Variants in LYPLAL1 observed in about 807,000 individuals in gnomAD.
The protein encoded by LYPLAL1 is lysophospholipase like 1, also known as lysophospholipase-like protein 1.
LYPLAL1 carries 23 observed loss-of-function variants against 19.7 expected under a neutral mutation model. That is an observed-to-expected ratio of 1.17 (90% CI 0.84 to 1.65). LYPLAL1 has a LOEUF of 1.65. LYPLAL1 is among the 40% of genes most tolerant of loss of function. The pLI, the probability that LYPLAL1 is intolerant of heterozygous loss-of-function variation, is 0.00. For missense variants in LYPLAL1, 355 were observed against 279.4 expected, an observed-to-expected ratio of 1.27 and a Z score of -1.93; for synonymous variants, 119 against 96.3, an observed-to-expected ratio of 1.24 and a Z score of -1.38.
the LYPLAL1 span, among the ~76,000 whole-genome samples, chr1:219,440,139 G>C: frequency 6.7e-5 from 10 of 150,294 alleles, no homozygotes; most frequent in Non-Finnish European, 8.9e-5. Flanking sequence ...AGTGCTATTG[G>C]AATTGTTATT....
chr1:219,238,431 G>A, the LYPLAL1 span, among the ~76,000 whole-genome samples: 8 of 149,698 alleles, frequency 5.3e-5, no homozygotes, highest in East Asian at 5.9e-4. Flanking sequence ...GATTACAGGC[G>A]TGAGCCACTG....
At chr1:219,182,509 G>A (rs1656375813) in intron 2 of LYPLAL1, among the ~76,000 whole-genome samples, 2 of 151,848 alleles carry the variant, frequency 1.3e-5, no homozygotes, top group Admixed American at 6.6e-5. Flanking sequence ...CTACCTTTCC[G>A]GTGACGTCAA....
At chr1:219,433,748 T>A in the LYPLAL1 span, among the ~76,000 whole-genome samples, 1 of 152,272 alleles carries the variant, frequency 6.6e-6, no homozygotes, top group Admixed American at 6.5e-5. Context: ...TCAGCCTAGA[T>A]CCTGGGCTTC....
At chr1:219,419,739 A>G in the LYPLAL1 span, among the ~76,000 whole-genome samples, 375 of 152,210 alleles carry the variant, frequency 2.5e-3, 3 homozygotes, top group African/African-American at 7.8e-3. Flanking sequence ...CTGTGGGGGT[A>G]GGGGGTCCAG....
At chr1:219,209,246 G>T (rs1658809552) in intron 3 of LYPLAL1, among the ~76,000 whole-genome samples, 1 of 152,026 alleles carries the variant, frequency 6.6e-6, no homozygotes, top group African/African-American at 2.4e-5. Context: ...TACATAGTGT[G>T]CCTTTTTTAA....
the LYPLAL1 span, among the ~76,000 whole-genome samples, chr1:219,293,265 A>T: frequency 2.0e-5 from 3 of 152,166 alleles, no homozygotes; most frequent in Non-Finnish European, 2.9e-5. Flanking sequence ...AGCTGAAAAA[A>T]ATAAAAATAA....
intron 3 of LYPLAL1, 192 bp downstream of exon 3, chr1:219,193,443 A>G (rs1196815138): frequency 5.8e-6 from 2 of 347,422 alleles, no homozygotes; most frequent in Non-Finnish European, 1.0e-5. Context: ...ACTTTAATTG[A>G]TTTTCTTTTT....
At chr1:219,177,836 G>C (rs1655950454) in intron 1 of LYPLAL1, among the ~76,000 whole-genome samples, 1 of 152,062 alleles carries the variant, frequency 6.6e-6, no homozygotes, top group African/African-American at 2.4e-5. Context: ...CAACCTTTCT[G>C]TCAGAAATAT....
the LYPLAL1 span, among the ~76,000 whole-genome samples, chr1:219,399,863 C>A: frequency 2.4e-4 from 37 of 152,246 alleles, no homozygotes; most frequent in African/African-American, 8.7e-4. Context: ...AAGTTAAGCC[C>A]AGGGGTTTGG....
chr1:219,243,783 G>C, the LYPLAL1 span, among the ~76,000 whole-genome samples: 1 of 151,960 alleles, frequency 6.6e-6, no homozygotes, highest in Non-Finnish European at 1.5e-5. Context: ...GCTGGACGTG[G>C]TGGTGGGTGC....
At chr1:219,415,243 C>G in the LYPLAL1 span, among the ~76,000 whole-genome samples, 155 of 152,254 alleles carry the variant, frequency 1.0e-3, no homozygotes, top group African/African-American at 3.6e-3. Context: ...ACCCAGGAAA[C>G]AGTGGTTTCA....
At chr1:219,338,252 C>G in the LYPLAL1 span, among the ~76,000 whole-genome samples, 3 of 151,948 alleles carry the variant, frequency 2.0e-5, no homozygotes, top group Non-Finnish European at 4.4e-5. Context: ...AAGAAAATAT[C>G]TAGAGCTACT....
chr1:219,357,952 T>C, the LYPLAL1 span, among the ~76,000 whole-genome samples: 8 of 152,300 alleles, frequency 5.3e-5, no homozygotes, highest in African/African-American at 1.4e-4. Context: ...ACATATTATA[T>C]GTTCTTTTTA....
At chr1:219,420,382 A>G in the LYPLAL1 span, among the ~76,000 whole-genome samples, 1 of 152,246 alleles carries the variant, frequency 6.6e-6, no homozygotes, top group Non-Finnish European at 1.5e-5. Context: ...TTTTGATTGC[A>G]TCCTCTACCT....
chr1:219,430,213 T>G, the LYPLAL1 span, among the ~76,000 whole-genome samples: 358 of 143,244 alleles, frequency 2.5e-3, 1 homozygote, highest in African/African-American at 9.0e-3. Flanking sequence ...AGGATTGCCT[T>G]AAGCCCAGGA....
chr1:219,184,230 T>A (rs921195798), intron 2 of LYPLAL1, among the ~76,000 whole-genome samples: 1 of 151,786 alleles, frequency 6.6e-6, no homozygotes, highest in Non-Finnish European at 1.5e-5. Context: ...TGATTCGGAG[T>A]TTTTAGTGTA....
At chr1:219,285,251 A>G in the LYPLAL1 span, among the ~76,000 whole-genome samples, 7 of 152,332 alleles carry the variant, frequency 4.6e-5, no homozygotes, top group East Asian at 9.6e-4. Flanking sequence ...TAAAGTAAAG[A>G]TTAGCTGAAA....
the LYPLAL1 span, among the ~76,000 whole-genome samples, chr1:219,262,871 C>T: frequency 6.6e-5 from 10 of 152,192 alleles, no homozygotes; most frequent in South Asian, 1.0e-3. Context: ...TTAGCCAGGA[C>T]GTTGCAGGCA....
downstream of LYPLAL1, among the ~76,000 whole-genome samples, chr1:219,215,962 T>C (rs1355156102): frequency 1.3e-5 from 2 of 152,158 alleles, no homozygotes; most frequent in African/African-American, 4.8e-5. Context: ...TTTTTTATAT[T>C]ACCCTTACAT....
Sources: gnomAD v4.1 joint callset for allele counts (sites outside exome capture counted in the v4.1 genomes callset) on GRCh38, gnomAD v4.1.1 for gene constraint, MANE v1.5 for transcripts, NCBI Gene and HGNC (gene_info 2026-07-23, HGNC 2026-07-21) for gene names.